DLGAP2: variants seen among roughly 807,000 people sequenced by gnomAD.
DLGAP2 encodes disks large-associated protein 2.
In DLGAP2, 26 loss-of-function variants were observed where a neutral mutation model predicts 100.3. The observed-to-expected ratio is 0.26, with a 90% CI of 0.19 to 0.36. The LOEUF is 0.36. Among genes scored for constraint, DLGAP2 ranks in the 10% least tolerant of loss-of-function variants. The pLI is 1.00. For synonymous variants in DLGAP2, 886 were observed against 630.1 expected (o/e 1.41, Z -6.08); for missense variants, 1,858 against 1,453.2 (o/e 1.28, Z -4.53).
intron 2 of DLGAP2, among the ~76,000 whole-genome samples, chr8:951,367 C>T (rs1456725070): frequency 6.6e-6 from 1 of 152,184 alleles, no homozygotes; most frequent in Non-Finnish European, 1.5e-5. Context: ...GCCTCAGCCT[C>T]CCAAGTAGCC....
chr8:1,018,912 T>C (rs1417462294), intron 2 of DLGAP2: 1 of 152,180 alleles, frequency 6.6e-6, no homozygotes, highest in Non-Finnish European at 1.5e-5. Flanking sequence ...GAAACGGCAG[T>C]TGCTCAAGAG....
intron 1 of DLGAP2, among the ~76,000 whole-genome samples, chr8:894,103 G>T (rs923634821): frequency 6.6e-6 from 1 of 152,186 alleles, no homozygotes; most frequent in African/African-American, 2.4e-5. Context: ...CCCTCTCGGA[G>T]CAGTGTGCGT....
In DLGAP2 at chr8:1,120,822, T is replaced by C. The variant is rs73670646; in HGVS notation, c.74-138029T>C. 1.7e-3 allele frequency among the ~76,000 whole-genome samples: 262 copies of C among 151,544 alleles called. 2 individuals are homozygous for C. The highest frequency in any genetic ancestry group is 6.0e-3 in the African/African-American group (249 of 41,238). Reference sequence around the variant, plus strand: ...CAGAACCCCTCGTCTCCCATCCTCGTCCAGTTAGAACCCATGACCACCCAT... The same window carrying C: ...CAGAACCCCTCGTCTCCCATCCTCGCCCAGTTAGAACCCATGACCACCCAT... On this transcript the variant is annotated intron_variant, in intron 2 of 14. Transcript: ENST00000637795.
At chr8:792,578 T>G (rs946028474) in intron 1 of DLGAP2, among the ~76,000 whole-genome samples, 1 of 152,216 alleles carries the variant, frequency 6.6e-6, no homozygotes, top group Non-Finnish European at 1.5e-5. Context: ...TACAGGAACG[T>G]GAAGTAGAAG....
At chr8:798,715 G>A (rs1477473260) in intron 1 of DLGAP2, among the ~76,000 whole-genome samples, 3 of 119,376 alleles carry the variant, frequency 2.5e-5, no homozygotes, top group Admixed American at 8.3e-5. Flanking sequence ...CCCCGGCGCT[G>A]GCCAGGTGAT....
intron 1 of DLGAP2, among the ~76,000 whole-genome samples, chr8:783,915 CAT>C (rs1821767723): frequency 6.6e-6 from 1 of 152,194 alleles, no homozygotes; most frequent in Non-Finnish European, 1.5e-5. Context: ...AAGAGGATAT[CAT>C]AGCGTTATCG....
chr8:1,655,124 G>T (rs1161825754), intron 8 of DLGAP2, among the ~76,000 whole-genome samples: 2 of 152,110 alleles, frequency 1.3e-5, no homozygotes, highest in African/African-American at 4.8e-5. Context: ...GCCTATCAAC[G>T]TTGCCCCAGA....
chr8:1,241,522 C>A (rs1343024008), intron 2 of DLGAP2, among the ~76,000 whole-genome samples: 1 of 152,224 alleles, frequency 6.6e-6, no homozygotes, highest in Non-Finnish European at 1.5e-5. Context: ...GGTAGTAGCC[C>A]TACAGAGGAA....
chr8:746,977 A>T (rs185902175), intron 1 of DLGAP2, among the ~76,000 whole-genome samples: 1 of 152,144 alleles, frequency 6.6e-6, no homozygotes, highest in Admixed American at 6.5e-5. Flanking sequence ...GTTCTCGGGA[A>T]GACCTCCCCT....
chr8:823,593 A>T (rs1372024385), intron 1 of DLGAP2, among the ~76,000 whole-genome samples: 1 of 151,998 alleles, frequency 6.6e-6, no homozygotes, highest in African/African-American at 2.4e-5. Flanking sequence ...GGAGACCCCC[A>T]AGAGCTCTGC....
At chr8:1,614,378 A>G (rs112425679) in intron 6 of DLGAP2, among the ~76,000 whole-genome samples, 3,892 of 152,316 alleles carry the variant, frequency 0.026, 151 homozygotes, top group African/African-American at 0.087. Flanking sequence ...CAGAGACCTC[A>G]CAGTCAGTGC....
intron 2 of DLGAP2, among the ~76,000 whole-genome samples, chr8:1,066,548 C>G (rs924558360): frequency 3.3e-5 from 5 of 150,200 alleles, no homozygotes; most frequent in Admixed American, 6.6e-5. Flanking sequence ...GAGGGCAGTT[C>G]CCTACCACGG....
chr8:1,192,924 T>G (rs1341336147), intron 2 of DLGAP2, among the ~76,000 whole-genome samples: 9 of 151,950 alleles, frequency 5.9e-5, no homozygotes, highest in Non-Finnish European at 5.9e-5. Context: ...CATGCGGTGT[T>G]TGGTTTTTTG....
intron 2 of DLGAP2, among the ~76,000 whole-genome samples, chr8:1,206,972 T>C (rs10094928): frequency 0.55 from 83,789 of 151,956 alleles, 25,377 homozygotes; most frequent in African/African-American, 0.81. Flanking sequence ...TCGGTGAAAC[T>C]TCCTGCCCAC....
chr8:1,428,935 T>A (rs1797323527), intron 3 of DLGAP2, among the ~76,000 whole-genome samples: 1 of 152,208 alleles, frequency 6.6e-6, no homozygotes, highest in African/African-American at 2.4e-5. Context: ...GCCATCCTTG[T>A]TTTCCTGAGG....
chr8:1,494,998 A>C (rs183548451), intron 3 of DLGAP2, among the ~76,000 whole-genome samples: 1 of 152,280 alleles, frequency 6.6e-6, no homozygotes, highest in East Asian at 1.9e-4. Flanking sequence ...CCTGTTGGCA[A>C]ATGTACCTTT....
chr8:1,417,727 A>ACGGGGGGCCC, intron 3 of DLGAP2, among the ~76,000 whole-genome samples: 1 of 111,514 alleles, frequency 9.0e-6, no homozygotes, highest in African/African-American at 3.1e-5. Flanking sequence ...GAGGCTCCAG[A>ACGGGGGGCCC]CACAGAAGCC....
chr8:1,213,695 C>T (rs1161034293), intron 2 of DLGAP2, among the ~76,000 whole-genome samples: 1 of 152,138 alleles, frequency 6.6e-6, no homozygotes, highest in Non-Finnish European at 1.5e-5. Flanking sequence ...CACATCTTCT[C>T]TAATATCCAA....
chr8:1,413,519 G>A (rs997632547), intron 3 of DLGAP2, among the ~76,000 whole-genome samples: 5 of 152,184 alleles, frequency 3.3e-5, no homozygotes, highest in African/African-American at 4.8e-5. Context: ...ACTAAATCTG[G>A]CAAGTATAGA....
Sources: gnomAD v4.1 joint callset for allele counts (sites outside exome capture counted in the v4.1 genomes callset) on GRCh38, gnomAD v4.1.1 for gene constraint, MANE v1.5 for transcripts, NCBI Gene and HGNC (gene_info 2026-07-23, HGNC 2026-07-21) for gene names.